ABCA13: variants seen among roughly 807,000 people sequenced by gnomAD.
ABCA13 encodes ATP-binding cassette sub-family A member 13.
Under a neutral mutation model 478.7 loss-of-function variants are expected in ABCA13, and 476 were observed. That is an observed-to-expected ratio of 0.99 (90% confidence interval 0.92 to 1.07). The LOEUF (loss-of-function observed/expected upper bound fraction) is 1.07. Among genes scored for constraint, ABCA13 ranks in the 50% least tolerant of loss-of-function variants. The pLI, the probability that ABCA13 is intolerant of heterozygous loss-of-function variation, is 0.00. For synonymous variants in ABCA13, 2,252 were observed against 2,158.9 expected (o/e 1.04, Z -1.20); for missense variants, 6,060 against 5,910.6 (o/e 1.03, Z -0.83).
intron 42 of ABCA13, among the ~76,000 whole-genome samples, chr7:48,450,368 G>T (rs1243272523): frequency 1.3e-5 from 2 of 152,036 alleles, no homozygotes; most frequent in Non-Finnish European, 2.9e-5. Flanking sequence ...TCAGTGCTGA[G>T]AAAACCCAGA....
At chr7:48,427,153 G>A (rs1282301187) in intron 41 of ABCA13, among the ~76,000 whole-genome samples, 1 of 152,108 alleles carries the variant, frequency 6.6e-6, no homozygotes, top group Admixed American at 6.6e-5. Context: ...CTTTGTGTCT[G>A]CTTGCACTTC....
At chr7:48,459,705 C>A (rs1182403595) in intron 43 of ABCA13, among the ~76,000 whole-genome samples, 1 of 152,148 alleles carries the variant, frequency 6.6e-6, no homozygotes, top group Non-Finnish European at 1.5e-5. Flanking sequence ...TTCCTGCCAA[C>A]ATGTCTATAA....
At chr7:48,176,986 G>T (rs948270642) in intron 1 of ABCA13, among the ~76,000 whole-genome samples, 2 of 151,960 alleles carry the variant, frequency 1.3e-5, no homozygotes, top group African/African-American at 4.8e-5. Context: ...TGTTACTGTT[G>T]TTTATTTTGT....
At chr7:48,399,631 C>G (rs1458747113) in intron 38 of ABCA13, among the ~76,000 whole-genome samples, 1 of 152,082 alleles carries the variant, frequency 6.6e-6, no homozygotes, top group Non-Finnish European at 1.5e-5. Flanking sequence ...GGAGGATATG[C>G]TACAACAAAT....
At chr7:48,454,355 G>A (rs571238085) in intron 42 of ABCA13, among the ~76,000 whole-genome samples, 1 of 152,346 alleles carries the variant, frequency 6.6e-6, no homozygotes, top group East Asian at 1.9e-4. Context: ...AGATTCGTTG[G>A]TAGAGGCTCC....
In ABCA13 at chr7:48,377,942, A is replaced by C. The variant is rs139032028; in HGVS notation, c.11335+1370A>C. On this transcript the variant is annotated intron_variant, in intron 35 of 61. Coordinates refer to ENST00000435803, the MANE Select transcript of ABCA13 (RefSeq NM_152701.5). ...CTCTGCAATGTTGAGATGAAGATAA[A>C]ATGTGTCCCGGGACCCAGAATGATC... Among the ~76,000 whole-genome samples the C allele has an allele frequency of 9.1e-4, 139 of 152,318 alleles. 2 individuals carry two copies. The highest frequency in any genetic ancestry group is 2.6e-3 in the African/African-American group (109 of 41,568).
At chr7:48,219,217 G>A in intron 3 of ABCA13, 137 bp from the exon 4 acceptor site, 1 of 763,114 alleles carries the variant, frequency 1.3e-6, no homozygotes, top group Non-Finnish European at 2.0e-6. Flanking sequence ...GGTGAAATGG[G>A]CTCTCAGGGT....
intron 15 of ABCA13, among the ~76,000 whole-genome samples, chr7:48,267,423 C>T (rs925558134): frequency 6.6e-6 from 1 of 152,058 alleles, no homozygotes; most frequent in Non-Finnish European, 1.5e-5. Flanking sequence ...ATGTTATCAT[C>T]TGAAACCTAC....
At chr7:48,227,634 C>T (rs1284045750) in intron 6 of ABCA13, among the ~76,000 whole-genome samples, 5 of 152,066 alleles carry the variant, frequency 3.3e-5, no homozygotes, top group Admixed American at 6.6e-5. Context: ...TTGTTCAGAG[C>T]GTGTGCTCCC....
chr7:48,570,319 C>CTTTTTTTTTTTTT (rs35693419), intron 55 of ABCA13, among the ~76,000 whole-genome samples: 1 of 88,214 alleles, frequency 1.1e-5, no homozygotes, highest in Non-Finnish European at 2.1e-5. Context: ...TTTGCATCCT[C>CTTTTTTTTTTTTT]TTTTTTTTTT....
chr7:48,538,549 C>T (rs1833751402), intron 55 of ABCA13, among the ~76,000 whole-genome samples: 1 of 152,104 alleles, frequency 6.6e-6, no homozygotes, highest in Non-Finnish European at 1.5e-5. Context: ...CAGAACCAGA[C>T]CACCAACCCA....
rs1785230049 is a variant in ABCA13, at chr7:48,550,677, T to TTATCTATCTACGTACCTACATACC, written c.14354+22342_14354+22365dup. Among the ~76,000 whole-genome samples the TTATCTATCTACGTACCTACATACC allele has an allele frequency of 2.6e-5, 4 of 151,544 alleles. No individual in the cohort carries two copies. In the South Asian group the frequency reaches 8.3e-4, roughly 31 times the overall value. On this transcript the variant is annotated intron_variant, in intron 55 of 61. Transcript: ENST00000435803. ...TGAATAATACTGTGAATCCATCTAT[T>TTATCTATCTACGTACCTACATACC]TATCTATCTACGTACCTACATACCT...
At chr7:48,585,457 C>G (rs1439862859) in intron 56 of ABCA13, among the ~76,000 whole-genome samples, 1 of 152,110 alleles carries the variant, frequency 6.6e-6, no homozygotes, top group Non-Finnish European at 1.5e-5. Context: ...TACTATTTTA[C>G]CATAAGACCA....
intron 55 of ABCA13, among the ~76,000 whole-genome samples, chr7:48,571,110 T>C (rs1354317767): frequency 2.0e-5 from 3 of 152,206 alleles, no homozygotes; most frequent in African/African-American, 7.2e-5. Context: ...ATTTATGCTA[T>C]TATTATTACA....
At chr7:48,191,747 A>T (rs1298669659) in intron 1 of ABCA13, among the ~76,000 whole-genome samples, 1 of 152,138 alleles carries the variant, frequency 6.6e-6, no homozygotes, top group Non-Finnish European at 1.5e-5. Context: ...TATACCAGGG[A>T]TGGAAAAACT....
At chr7:48,308,136 A>C (rs1031548690) in intron 23 of ABCA13, among the ~76,000 whole-genome samples, 3 of 152,066 alleles carry the variant, frequency 2.0e-5, no homozygotes, top group Non-Finnish European at 2.9e-5. Flanking sequence ...TTAACTTTTA[A>C]AATCGTATTT....
chr7:48,559,118 G>A (rs1387116758), intron 55 of ABCA13, among the ~76,000 whole-genome samples: 3 of 152,144 alleles, frequency 2.0e-5, no homozygotes, highest in Non-Finnish European at 4.4e-5. Context: ...CCCTTCAGGG[G>A]GTGAGTTCCC....
intron 55 of ABCA13, among the ~76,000 whole-genome samples, chr7:48,538,369 G>T (rs184725632): frequency 6.6e-6 from 1 of 151,858 alleles, no homozygotes; most frequent in Admixed American, 6.6e-5. Context: ...CCAAAGAGCT[G>T]GGATTACAGG....
At chr7:48,406,043 C>T (rs557484422) in intron 39 of ABCA13, among the ~76,000 whole-genome samples, 29 of 152,282 alleles carry the variant, frequency 1.9e-4, no homozygotes, top group African/African-American at 6.7e-4. Flanking sequence ...GATCTAAGGA[C>T]TGTGCAGAAA....
Sources: gnomAD v4.1 joint callset for allele counts (sites outside exome capture counted in the v4.1 genomes callset) on GRCh38, gnomAD v4.1.1 for gene constraint, MANE v1.5 for transcripts, NCBI Gene and HGNC (gene_info 2026-07-23, HGNC 2026-07-21) for gene names.